Variants in PLG observed in about 807,000 individuals in gnomAD.
PLG encodes the protein plasminogen.
A neutral mutation model predicts 104.4 loss-of-function variants in PLG; 41 were observed. The ratio of observed to expected loss-of-function variants is 0.39; its 90% CI spans 0.31 to 0.51. PLG has a LOEUF of 0.51. PLG is among the 20% of genes least tolerant of loss of function. The pLI, the probability that PLG is intolerant of heterozygous loss-of-function variation, is 0.76. For synonymous variants in PLG, 337 were observed against 357.1 expected (o/e 0.94, Z 0.63); for missense variants, 891 against 1,003.6 (o/e 0.89, Z 1.52).
In PLG at chr6:160,738,585, T is replaced by A. The variant is rs755814893; in HGVS notation, c.1850T>A (p.Val617Glu). The change falls in exon 15 of 19, where the codon GTG becomes GAG. Residue 617 changes from valine (V) to glutamate (E), a missense_variant. This residue lies in a region of PLG where 854 missense variants were observed against 932.1 expected (regional missense o/e 0.92). Transcript: ENST00000308192. This position sits in a 1 kb window ranked among gnomAD's most constrained non-coding sequence, Gnocchi z 6.8. ...GGCACCTTGATATCCCCAGAGTGGG[T>A]GTTGACTGCTGCCCACTGCTTGGAG... Reference protein sequence around the residue: ...CGGTLISPEWVLTAAHCLEKS... With the variant: ...CGGTLISPEWELTAAHCLEKS... 1 of 1,609,268 alleles carries A rather than the reference T, an allele frequency of 6.2e-7. No homozygotes were observed. The highest frequency in any genetic ancestry group is 8.5e-7 in the Non-Finnish European group (1 of 1,175,504).
At chr6:160,707,367 C>A (rs4252073) in intron 2 of PLG, among the ~76,000 whole-genome samples, 1 of 151,826 alleles carries the variant, frequency 6.6e-6, no homozygotes, top group Non-Finnish European at 1.5e-5. Context: ...ACTATCTTGG[C>A]GAATGGGTTC....
At chr6:160,745,072 A>G (rs1217465525) in intron 17 of PLG, among the ~76,000 whole-genome samples, 3 of 152,192 alleles carry the variant, frequency 2.0e-5, no homozygotes, top group African/African-American at 4.8e-5. Context: ...TTTATGTCCA[A>G]TTATGTGGTT....
At chr6:160,733,433 C>A (rs942764648) in intron 12 of PLG, among the ~76,000 whole-genome samples, 3 of 152,118 alleles carry the variant, frequency 2.0e-5, no homozygotes, top group Non-Finnish European at 4.4e-5. Context: ...CCGAGGGTCA[C>A]CACTCCCTGT....
chr6:160,725,917 A>C lies in PLG; in HGVS notation c.1256+3350A>C, dbSNP rs1777913640. ...GACTTAACAATGCTAAATGGGTTGC[A>C]CCCTCATAAGAGCCCTTCTGATATA... On this transcript the variant is annotated intron_variant, in intron 10 of 18. Coordinates refer to ENST00000308192, the MANE Select transcript of PLG (RefSeq NM_000301.5). This position sits in a 1 kb window ranked among gnomAD's most constrained non-coding sequence, Gnocchi z 6.3. Among the ~76,000 whole-genome samples the C allele has an allele frequency of 6.6e-6, 1 of 152,168 alleles. No individual in the cohort carries two copies. Among genetic ancestry groups the C allele is most frequent in the Non-Finnish European group, 1.5e-5 (1 of 68,004 alleles).
chr6:160,702,879 G>A (rs144644732), intron 1 of PLG, among the ~76,000 whole-genome samples: 5,261 of 152,188 alleles, frequency 0.035, 302 homozygotes, highest in African/African-American at 0.12. Flanking sequence ...TCTTATCCCC[G>A]GAAAAATCAC....
Position 160,714,644 on chromosome 6 carries a change from AATTTTATTGC to A in PLG, c.548-149_548-140del. ...TAGAAAATCCTGAGTCCTTATTGCC[AATTTTATTGC>A]CAAGTGCCTGTTGTGAATTACATCG... is the stretch of plus-strand genomic sequence containing the variant. On this transcript the variant is annotated intron_variant, in intron 5 of 18. Transcript: ENST00000308192. 1.2e-4 allele frequency: 48 copies of A among 407,426 alleles called. 8 individuals are homozygous for A. The highest frequency in any genetic ancestry group is 1.9e-4 in the Non-Finnish European group (39 of 200,262). The allele number at this position is 407,426 out of a possible 1,614,324, so 25.2% of individuals were successfully genotyped here. A position where few individuals can be genotyped will look rare whatever the true frequency, so the allele number is the denominator to read the frequency against.
At position 160,753,826 on chromosome 6, in the gene PLG, C is replaced by A. The variant is rs1433789211; in HGVS notation, c.*765C>A. ...GCCTGCCCGGTTTTGAAACAGTCTG[C>A]AGTACACACGGTCACAGGAGAATGA... On this transcript the variant is annotated 3_prime_UTR_variant, in exon 19 of 19. Coordinates refer to ENST00000308192, the MANE Select transcript of PLG (RefSeq NM_000301.5). The surrounding 1 kb of genome is among the most constrained non-coding windows in gnomAD (Gnocchi z 5.4). Among the ~76,000 whole-genome samples, 1 of 152,136 alleles carries A rather than the reference C, an allele frequency of 6.6e-6. No homozygotes were observed. Among genetic ancestry groups the A allele is most frequent in the Non-Finnish European group, 1.5e-5 (1 of 68,032 alleles).
chr6:160,729,637 A>G (rs1465350910), intron 10 of PLG, among the ~76,000 whole-genome samples: 1 of 152,236 alleles, frequency 6.6e-6, no homozygotes, highest in African/African-American at 2.4e-5. Flanking sequence ...ATAAGTGTAC[A>G]TTCTGTATGA....
At chr6:160,707,331 T>C (rs1399434599) in intron 2 of PLG, among the ~76,000 whole-genome samples, 1 of 152,056 alleles carries the variant, frequency 6.6e-6, no homozygotes, top group African/African-American at 2.4e-5. Flanking sequence ...GGGGAACTGA[T>C]CAGAGTTGGG....
At chr6:160,708,522 A>G (rs1159189109) in intron 3 of PLG, 1 of 152,316 alleles carries the variant, frequency 6.6e-6, no homozygotes, top group African/African-American at 2.4e-5. Context: ...CCCATTAAGC[A>G]TATCCCATCA....
At chr6:160,710,435 A>G (rs1017206108) in intron 3 of PLG, among the ~76,000 whole-genome samples, 6 of 152,092 alleles carry the variant, frequency 3.9e-5, no homozygotes, top group African/African-American at 1.5e-4. Flanking sequence ...TGCCAGCTGC[A>G]TGTGGACCCA....
chr6:160,704,719 C>G (rs1301741866), intron 1 of PLG, among the ~76,000 whole-genome samples: 6 of 152,110 alleles, frequency 3.9e-5, no homozygotes, highest in African/African-American at 1.4e-4. Flanking sequence ...ATTTTTCCAG[C>G]CCGGAATGTC....
rs1303903445 is a variant in PLG at position 160,739,425 on chromosome 6, GAA to G, written c.2018+221_2018+222del. Among the ~76,000 whole-genome samples, 1 of 152,042 alleles carries G rather than the reference GAA, an allele frequency of 6.6e-6. No homozygotes were observed. On this transcript the variant is annotated intron_variant, in intron 16 of 18. Transcript: ENST00000308192. The surrounding 1 kb of genome is among the most constrained non-coding windows in gnomAD (Gnocchi z 4.4). ...CAGCAGGACTCCGTTTTCTCATGTG[GAA>G]AAAGAGTTGAAATGAGGTACTCTGT... is the stretch of plus-strand genomic sequence containing the variant.
At chr6:160,716,470 A>G (rs1777732844) in intron 6 of PLG, among the ~76,000 whole-genome samples, 175 bp from the exon 7 acceptor site, 1 of 152,202 alleles carries the variant, frequency 6.6e-6, no homozygotes, top group African/African-American at 2.4e-5. Context: ...TCCTTGGAAT[A>G]CAGGGCCAAC....
chr6:160,743,702 T>C (rs1398838620), intron 17 of PLG, among the ~76,000 whole-genome samples: 1 of 152,198 alleles, frequency 6.6e-6, no homozygotes, highest in Non-Finnish European at 1.5e-5. Context: ...CTATGTTGAA[T>C]AGGAGTGGTG....
chr6:160,716,537 C>T, intron 6 of PLG, 108 bp from the exon 7 acceptor site: 1 of 770,516 alleles, frequency 1.3e-6, no homozygotes, highest in Non-Finnish European at 2.4e-6. Context: ...CTCCTCCATG[C>T]CCGACTGTGC....
intron 10 of PLG, chr6:160,730,738 G>T: frequency 3.3e-6 from 1 of 304,262 alleles, no homozygotes; most frequent in South Asian, 3.7e-5. Context: ...TTATTCCTGA[G>T]AAATGTATTT....
intron 17 of PLG, among the ~76,000 whole-genome samples, chr6:160,749,302 A>G (rs1424535467): frequency 6.6e-6 from 1 of 152,064 alleles, no homozygotes. Flanking sequence ...AACTACCATC[A>G]TCATCCCCAC....
Position 160,731,326 on chromosome 6 carries a change from G to C in PLG, c.1438+94G>C. Reference sequence around the variant, plus strand: ...GATGCAGAAACCTTCCATGCTACACGAGAAATCAAGTGTTTTTAGAGGGTC... The same window carrying C: ...GATGCAGAAACCTTCCATGCTACACCAGAAATCAAGTGTTTTTAGAGGGTC... On this transcript the variant is annotated intron_variant, in intron 11 of 18. Coordinates refer to ENST00000308192, the MANE Select transcript of PLG (RefSeq NM_000301.5). This position sits in a 1 kb window ranked among gnomAD's most constrained non-coding sequence, Gnocchi z 5.1. The C allele has an allele frequency of 8.9e-7, 1 of 1,119,346 alleles. No homozygotes were observed. The highest frequency in any genetic ancestry group is 1.8e-5 in the Admixed American group (1 of 55,980). The allele number at this position is 1,119,346 out of a possible 1,614,324, so 69.3% of individuals were successfully genotyped here.
Sources: gnomAD v4.1 joint callset for allele counts (sites outside exome capture counted in the v4.1 genomes callset) on GRCh38, gnomAD v4.1.1 for gene constraint, gnomAD v4.1.1 regional missense constraint, Gnocchi (gnomAD v3.1) non-coding constraint, MANE v1.5 for transcripts, NCBI Gene and HGNC (gene_info 2026-07-23, HGNC 2026-07-21) for gene names.